FAM153A: variants seen among roughly 807,000 people sequenced by gnomAD.
The protein encoded by FAM153A is family with sequence similarity 153 member A.
Under a neutral mutation model 48.1 loss-of-function variants are expected in FAM153A, and 12 were observed. The ratio of observed to expected loss-of-function variants is 0.25; its 90% CI spans 0.16 to 0.40. The LOEUF is 0.40. Among genes scored for constraint, FAM153A ranks in the 10% least tolerant of loss-of-function variants. The pLI, the probability that FAM153A is intolerant of heterozygous loss-of-function variation, is 1.00. For synonymous variants in FAM153A, 36 were observed against 118.2 expected, an observed-to-expected ratio of 0.30 and a Z score of 4.51; for missense variants, 111 against 345.8, an observed-to-expected ratio of 0.32 and a Z score of 5.38.
chr5:177,696,822 G>A, the FAM153A span, among the ~76,000 whole-genome samples: 3 of 151,486 alleles, frequency 2.0e-5, no homozygotes, highest in Non-Finnish European at 2.9e-5. Flanking sequence ...ATGAGCCATC[G>A]TGCCCAGCCT....
chr5:177,754,239 C>T, upstream of FAM153A, among the ~76,000 whole-genome samples: 1 of 152,014 alleles, frequency 6.6e-6, no homozygotes, highest in South Asian at 2.1e-4. Flanking sequence ...TCGCTCATTG[C>T]TAGCACAGCA....
downstream of FAM153A, chr5:177,706,710 TC>T (rs968146437): frequency 6.6e-6 from 1 of 151,856 alleles, no homozygotes; most frequent in African/African-American, 2.4e-5. Flanking sequence ...TCCTAGACTT[TC>T]TTGCAAAAAT....
intron 25 of FAM153A, among the ~76,000 whole-genome samples, chr5:177,714,402 C>T (rs1020065172): frequency 4.6e-5 from 7 of 151,434 alleles, no homozygotes; most frequent in African/African-American, 1.7e-4. Flanking sequence ...TTGGAAAAGA[C>T]TATTAGATCT....
chr5:177,700,903 A>T, the FAM153A span, among the ~76,000 whole-genome samples: 1 of 151,530 alleles, frequency 6.6e-6, no homozygotes, highest in African/African-American at 2.5e-5. Flanking sequence ...TTAAGAAAAC[A>T]ATTCTGATAA....
intron 18 of FAM153A, among the ~76,000 whole-genome samples, chr5:177,728,502 C>A (rs1409585723): frequency 1.4e-5 from 2 of 147,462 alleles, no homozygotes; most frequent in African/African-American, 5.1e-5. Context: ...CTGCTGCTTC[C>A]AGGGATGACA....
chr5:177,711,318 C>T (rs1378706117), exon 27 of FAM153A: 19 of 151,828 alleles, frequency 1.3e-4, no homozygotes, highest in Admixed American at 9.8e-4. Flanking sequence ...GCTGAAGCAA[C>T]CTCTTCCAAG....
chr5:177,715,377 A>G (rs1394658266), intron 25 of FAM153A, among the ~76,000 whole-genome samples: 2 of 150,516 alleles, frequency 1.3e-5, no homozygotes, highest in African/African-American at 5.0e-5. Flanking sequence ...CTGTCACTCA[A>G]TAAGATAAGA....
the FAM153A span, among the ~76,000 whole-genome samples, chr5:177,698,754 G>A: frequency 6.8e-6 from 1 of 147,828 alleles, no homozygotes; most frequent in African/African-American, 2.7e-5. Flanking sequence ...GACTTCCTGG[G>A]CTCGAGTGAT....
chr5:177,718,706 TAAG>T (rs1760377553), downstream of FAM153A: 2 of 133,262 alleles, frequency 1.5e-5, 1 homozygote, highest in Non-Finnish European at 3.4e-5. Flanking sequence ...TCAATAAAAT[TAAG>T]AAAAAATAAA....
chr5:177,766,042 G>C (rs1272832744), intron 1 of FAM153A, among the ~76,000 whole-genome samples: 1 of 108,746 alleles, frequency 9.2e-6, no homozygotes, highest in Non-Finnish European at 2.1e-5. Flanking sequence ...GCTTGAACTC[G>C]GGCGGCAGAG....
chr5:177,721,831 CATTT>C (rs1348719468), downstream of FAM153A: 4 of 141,220 alleles, frequency 2.8e-5, no homozygotes, highest in Non-Finnish European at 6.1e-5. Context: ...AGGCCATTAA[CATTT>C]ATATATGTAA....
intron 1 of FAM153A, among the ~76,000 whole-genome samples, chr5:177,778,876 A>T (rs1769432413): frequency 8.6e-6 from 1 of 116,430 alleles, no homozygotes; most frequent in Non-Finnish European, 1.8e-5. Flanking sequence ...ACTCAGGAGG[A>T]TGAGGTGGGA....
intron 18 of FAM153A, among the ~76,000 whole-genome samples, chr5:177,728,553 G>GGT (rs750567286): frequency 1.5e-5 from 2 of 135,518 alleles, no homozygotes; most frequent in Middle Eastern, 4.0e-3. Context: ...TTGTTGGGGT[G>GGT]TTTTTTTTTT....
intron 1 of FAM153A, among the ~76,000 whole-genome samples, chr5:177,752,950 T>A (rs1342746995): frequency 7.4e-5 from 10 of 135,336 alleles, no homozygotes; most frequent in South Asian, 2.3e-4. Context: ...AAAAAAAAAA[T>A]TGGCATTGGA....
intron 24 of FAM153A, among the ~76,000 whole-genome samples, chr5:177,716,999 G>A (rs1458662726): frequency 6.6e-6 from 1 of 150,638 alleles, no homozygotes; most frequent in Admixed American, 6.6e-5. Flanking sequence ...GTGTGTGTGT[G>A]TAGAGTCTGG....
the FAM153A span, among the ~76,000 whole-genome samples, chr5:177,695,772 T>C: frequency 5.3e-5 from 8 of 151,818 alleles, no homozygotes; most frequent in African/African-American, 1.9e-4. Context: ...CGCTGTCTCT[T>C]CGGGGCTGTT....
chr5:177,754,147 G>A (rs569149776), upstream of FAM153A, among the ~76,000 whole-genome samples: 37 of 151,910 alleles, frequency 2.4e-4, 2 homozygotes, highest in African/African-American at 7.5e-4. Context: ...CTAATACTGC[G>A]CTTTTCCAAT....
intron 1 of FAM153A, among the ~76,000 whole-genome samples, chr5:177,779,034 C>T (rs7379898): frequency 0.55 from 75,909 of 138,504 alleles, 21,261 homozygotes; most frequent in Middle Eastern, 0.61. Context: ...AAGTAACTTG[C>T]ATAACTGGAA....
At chr5:177,734,777 T>A (rs1462370810) in intron 13 of FAM153A, 86 bp downstream of exon 15, 1 of 1,610,674 alleles carries the variant, frequency 6.2e-7, no homozygotes, top group African/African-American at 1.4e-5. Context: ...ATATATATCT[T>A]CAGATTCTCA....
Sources: allele counts gnomAD v4.1 joint callset (sites outside exome capture counted in the v4.1 genomes callset), GRCh38; gene constraint gnomAD v4.1.1; transcripts MANE v1.5; gene names NCBI Gene and HGNC (gene_info 2026-07-23, HGNC 2026-07-21).